Variants in SPHKAP observed in about 807,000 individuals in gnomAD.
SPHKAP encodes SPHK1 interactor, AKAP domain containing.
Under a neutral mutation model 137.5 loss-of-function variants are expected in SPHKAP, and 67 were observed. The observed-to-expected ratio is 0.49, with a 90% CI of 0.40 to 0.60. The LOEUF (loss-of-function observed/expected upper bound fraction) is 0.60, where lower values mean the gene tolerates loss of function less well. SPHKAP is among the 20% of genes least tolerant of loss of function. SPHKAP has a pLI of 0.00. For synonymous variants in SPHKAP, 813 were observed against 785.3 expected (o/e 1.04, Z -0.59); for missense variants, 2,097 against 2,069.3 (o/e 1.01, Z -0.26).
chr2:228,037,656 C>T (rs1695675581), intron 3 of SPHKAP, among the ~76,000 whole-genome samples: 1 of 152,118 alleles, frequency 6.6e-6, no homozygotes, highest in African/African-American at 2.4e-5. Context: ...GTGGTCACTC[C>T]AATGACTCTC....
At position 228,169,049 on chromosome 2, in the gene SPHKAP, T is replaced by A. The variant is rs4450587; in HGVS notation, c.32+12518A>T. ...CCTCACTCTCTTCAATTCTATGAAG[T>A]TTGGAAGAGGTGAGGAAGCTGCAGA... On this transcript the variant is annotated intron_variant, in intron 1 of 11. Transcript: ENST00000392056. 4.6e-5 allele frequency among the ~76,000 whole-genome samples: 7 copies of A among 152,228 alleles called. No individual in the cohort carries two copies. In the East Asian group the frequency reaches 7.7e-4, roughly 17 times the overall value.
chr2:228,037,277 A>G (rs950926887), intron 3 of SPHKAP, among the ~76,000 whole-genome samples: 1 of 152,172 alleles, frequency 6.6e-6, no homozygotes, highest in Admixed American at 6.5e-5. Flanking sequence ...CCACAAGGAG[A>G]AAATTTCTGG....
intron 7 of SPHKAP, among the ~76,000 whole-genome samples, chr2:228,001,485 ACGTATATATAAGTATATATACG>A (rs1347633726): frequency 1.4e-5 from 2 of 144,292 alleles, no homozygotes; most frequent in Non-Finnish European, 3.0e-5. Flanking sequence ...AAATATATAT[ACGTATATATAAGTATATATACG>A]TATATATAAG....
At chr2:228,129,020 G>A (rs1302287674) in intron 2 of SPHKAP, among the ~76,000 whole-genome samples, 1 of 152,170 alleles carries the variant, frequency 6.6e-6, no homozygotes, top group Non-Finnish European at 1.5e-5. Flanking sequence ...GTTACCAGCT[G>A]CATTAACCTC....
chr2:228,149,545 A>C (rs1189273900), intron 1 of SPHKAP, among the ~76,000 whole-genome samples: 1 of 152,140 alleles, frequency 6.6e-6, no homozygotes, highest in Non-Finnish European at 1.5e-5. Flanking sequence ...CCTTGTGTGG[A>C]GGGATTGGGG....
At chr2:228,095,206 C>T (rs188829013) in intron 3 of SPHKAP, among the ~76,000 whole-genome samples, 13 of 152,182 alleles carry the variant, frequency 8.5e-5, no homozygotes, top group African/African-American at 2.9e-4. Flanking sequence ...ACATTTTGGC[C>T]ACGTGCAGAT....
Position 228,031,591 on chromosome 2 carries a change from G to A in SPHKAP, c.247-4048C>T, listed in dbSNP as rs567666783. On this transcript the variant is annotated intron_variant, in intron 3 of 11. Coordinates refer to ENST00000392056, the MANE Select transcript of SPHKAP (RefSeq NM_001142644.2). ...CTCCTTAAGCGGGTCCTTGACCCCC[G>A]AGCAGCCTAACTCGGAGGCACCCCC... 1.2e-4 allele frequency among the ~76,000 whole-genome samples: 18 copies of A among 152,308 alleles called. No homozygotes were observed. The South Asian group carries it at 1.7e-3, about 14-fold the overall frequency.
At chr2:228,028,683 A>G (rs1033256587) in intron 3 of SPHKAP, among the ~76,000 whole-genome samples, 3 of 152,208 alleles carry the variant, frequency 2.0e-5, no homozygotes, top group Non-Finnish European at 4.4e-5. Context: ...TTTATAGCCT[A>G]GGAGTAATAG....
At chr2:228,145,869 T>C (rs905854021) in intron 1 of SPHKAP, among the ~76,000 whole-genome samples, 2 of 152,074 alleles carry the variant, frequency 1.3e-5, no homozygotes, top group Admixed American at 6.6e-5. Context: ...ATGTGGTAAA[T>C]GGGGCTACAC....
At chr2:228,082,928 A>T (rs1232445905) in intron 3 of SPHKAP, among the ~76,000 whole-genome samples, 1 of 152,160 alleles carries the variant, frequency 6.6e-6, no homozygotes, top group African/African-American at 2.4e-5. Context: ...GGAGTGGAAG[A>T]TTCCACAGAA....
At chr2:228,045,264 T>C (rs1372354920) in intron 3 of SPHKAP, among the ~76,000 whole-genome samples, 3 of 150,686 alleles carry the variant, frequency 2.0e-5, no homozygotes, top group South Asian at 2.1e-4. Flanking sequence ...ACCCAAAGGA[T>C]TATAAATCAT....
chr2:228,067,446 A>C (rs1348771397), intron 3 of SPHKAP, among the ~76,000 whole-genome samples: 2 of 152,234 alleles, frequency 1.3e-5, no homozygotes, highest in East Asian at 3.8e-4. Context: ...ACTTCATTTC[A>C]TATGCTCTAT....
chr2:228,062,172 TC>T (rs1449818210), intron 3 of SPHKAP, among the ~76,000 whole-genome samples: 1 of 151,158 alleles, frequency 6.6e-6, no homozygotes, highest in African/African-American at 2.4e-5. Context: ...TTTTAATTTT[TC>T]TTTTTTTTTT....
At chr2:228,073,015 T>C (rs187674781) in intron 3 of SPHKAP, among the ~76,000 whole-genome samples, 9 of 152,350 alleles carry the variant, frequency 5.9e-5, no homozygotes. Flanking sequence ...GAGAGGTTGC[T>C]TTATGCTACT....
Position 228,008,294 on chromosome 2 carries a change from G to GTT in SPHKAP, c.4448+8110_4448+8111dup, listed in dbSNP as rs200238267. Among the ~76,000 whole-genome samples, 110 of 137,394 alleles carry GTT rather than the reference G, an allele frequency of 8.0e-4. 1 individual carries two copies. The highest frequency in any genetic ancestry group is 2.3e-3 in the African/African-American group (85 of 37,652). 90.1% of individuals were successfully genotyped at this position (137,394 alleles called of 152,430 possible). ...TTTTCTCCTACATTATCTTCTAGGA[G>GTT]TTTTTTTTTTTTTTTTTCCTGCGAG... On this transcript the variant is annotated intron_variant, in intron 7 of 11. Coordinates refer to ENST00000392056, the MANE Select transcript of SPHKAP (RefSeq NM_001142644.2).
chr2:228,108,644 T>C (rs917162322), intron 3 of SPHKAP, among the ~76,000 whole-genome samples, 188 bp downstream of exon 3: 1 of 152,184 alleles, frequency 6.6e-6, no homozygotes, highest in Non-Finnish European at 1.5e-5. Flanking sequence ...ATGAGCAAAA[T>C]GGGGATACAA....
At chr2:228,107,861 A>G (rs961744035) in intron 3 of SPHKAP, among the ~76,000 whole-genome samples, 3 of 152,202 alleles carry the variant, frequency 2.0e-5, no homozygotes, top group Admixed American at 2.0e-4. Context: ...AAAGTACGAA[A>G]AGCAGCAGAA....
At chr2:228,092,265 A>G (rs568761993) in intron 3 of SPHKAP, among the ~76,000 whole-genome samples, 28 of 131,864 alleles carry the variant, frequency 2.1e-4, no homozygotes, top group South Asian at 1.3e-3. Context: ...GTGTATACGT[A>G]CACACACACG....
chr2:228,087,100 A>T lies in SPHKAP; in HGVS notation c.246+21732T>A, dbSNP rs1025794124. ...ACCAAATGAACTAGACAGCCAAAAA[A>T]GAAAGATGGAGGAAAGACAGTCAAA... On this transcript the variant is annotated intron_variant, in intron 3 of 11. Coordinates refer to ENST00000392056, the MANE Select transcript of SPHKAP (RefSeq NM_001142644.2). Among the ~76,000 whole-genome samples, 5 of 152,318 alleles carry T rather than the reference A, an allele frequency of 3.3e-5. No individual in the cohort carries two copies. In the Middle Eastern group the frequency reaches 0.01, roughly 311 times the overall value.
Sources: allele counts gnomAD v4.1 joint callset (sites outside exome capture counted in the v4.1 genomes callset), GRCh38; gene constraint gnomAD v4.1.1; transcripts MANE v1.5; gene names NCBI Gene and HGNC (gene_info 2026-07-23, HGNC 2026-07-21).